ME3: variants seen among roughly 807,000 people sequenced by gnomAD.
The protein encoded by ME3 is NADP-dependent malic enzyme, mitochondrial.
ME3 carries 48 observed loss-of-function variants against 68.9 expected under a neutral mutation model. The observed-to-expected ratio is 0.70, with a 90% confidence interval of 0.55 to 0.89. ME3 has a LOEUF of 0.89. Among genes scored for constraint, ME3 ranks in the 40% least tolerant of loss-of-function variants. The pLI, the probability that ME3 is intolerant of heterozygous loss-of-function variation, is 0.00. For synonymous variants in ME3, 320 were observed against 318.8 expected, an observed-to-expected ratio of 1.00 and a Z score of -0.04; for missense variants, 675 against 797.4, an observed-to-expected ratio of 0.85 and a Z score of 1.85.
chr11:86,624,067 G>A (rs575787344), intron 2 of ME3, among the ~76,000 whole-genome samples: 11 of 152,166 alleles, frequency 7.2e-5, no homozygotes, highest in Non-Finnish European at 1.5e-5. Flanking sequence ...TTGAGACCAG[G>A]ATTTTATACC....
chr11:86,467,086 G>T (rs1338923978), intron 7 of ME3, among the ~76,000 whole-genome samples: 1 of 152,160 alleles, frequency 6.6e-6, no homozygotes. Context: ...GTGATGATTT[G>T]ATATATGTGT....
At chr11:86,607,731 T>G (rs2135170838) in intron 2 of ME3, among the ~76,000 whole-genome samples, 2 of 150,826 alleles carry the variant, frequency 1.3e-5, no homozygotes, top group East Asian at 3.9e-4. Context: ...ATATATATAT[T>G]ATATACACAT....
chr11:86,625,613 G>C (rs935761380), intron 2 of ME3, among the ~76,000 whole-genome samples: 1 of 152,130 alleles, frequency 6.6e-6, no homozygotes, highest in African/African-American at 2.4e-5. Flanking sequence ...TATTTATCCA[G>C]AGCCTTCTAA....
chr11:86,564,203 T>C (rs1957368719), intron 2 of ME3, among the ~76,000 whole-genome samples: 1 of 152,152 alleles, frequency 6.6e-6, no homozygotes, highest in African/African-American at 2.4e-5. Flanking sequence ...ATATGTTTAT[T>C]TTCTATCTGT....
At chr11:86,514,049 G>T (rs1462895094) in intron 4 of ME3, among the ~76,000 whole-genome samples, 1 of 152,114 alleles carries the variant, frequency 6.6e-6, no homozygotes, top group Non-Finnish European at 1.5e-5. Flanking sequence ...GATCATGGGG[G>T]CAGTTTCCCA....
At chr11:86,508,625 C>G (rs552035467) in intron 5 of ME3, among the ~76,000 whole-genome samples, 167 bp downstream of exon 5, 1 of 152,188 alleles carries the variant, frequency 6.6e-6, no homozygotes. Context: ...AACCTCTGCT[C>G]TGTGGTGTAT....
rs144563790 is a variant in ME3, at chr11:86,666,775, A to G, written c.183+4987T>C. Reference sequence around the variant, plus strand: ...ATTTTACATCATACCTGAAGCAGAGATCTCGAGAAGATATATTATGTAATC... The same window carrying G: ...ATTTTACATCATACCTGAAGCAGAGGTCTCGAGAAGATATATTATGTAATC... On this transcript the variant is annotated intron_variant, in intron 2 of 14. Transcript: ENST00000543262. Among the ~76,000 whole-genome samples the G allele has an allele frequency of 8.8e-3, 1,334 of 152,282 alleles. 25 individuals are homozygous for G. Among genetic ancestry groups the G allele is most frequent in the African/African-American group, 0.03 (1,247 of 41,556 alleles).
chr11:86,636,965 A>G (rs1944369041), intron 2 of ME3, among the ~76,000 whole-genome samples: 1 of 152,236 alleles, frequency 6.6e-6, no homozygotes, highest in Admixed American at 6.5e-5. Context: ...AGAATTACAG[A>G]GAAAGTGAGA....
intron 4 of ME3, among the ~76,000 whole-genome samples, chr11:86,514,225 C>T (rs1953735281): frequency 6.6e-6 from 1 of 152,114 alleles, no homozygotes; most frequent in Non-Finnish European, 1.5e-5. Flanking sequence ...GCCTCCCCAG[C>T]CATGTGGAAC....
At chr11:86,556,457 T>TAGCCCCCAGAGTC in intron 4 of ME3, 96 bp downstream of exon 4, 9 of 1,417,574 alleles carry the variant, frequency 6.3e-6, no homozygotes, top group Non-Finnish European at 8.5e-6. Context: ...CAATCAGAGT[T>TAGCCCCCAGAGTC]AGCCTCCAGA....
chr11:86,466,798 G>A (rs1446113879), intron 7 of ME3, among the ~76,000 whole-genome samples: 1 of 152,186 alleles, frequency 6.6e-6, no homozygotes. Context: ...GAAACACAGG[G>A]GCAGTGACTT....
At chr11:86,437,545 G>A (rs1948904674), downstream of ME3, among the ~76,000 whole-genome samples, 2 of 151,442 alleles carry the variant, frequency 1.3e-5, no homozygotes, top group African/African-American at 2.4e-5. Flanking sequence ...TCACTTTATA[G>A]ATTTGAATAT....
At position 86,583,007 on chromosome 11, in the gene ME3, T is replaced by G. The variant is rs367853452; in HGVS notation, c.184-23184A>C. Among the ~76,000 whole-genome samples, 6 of 152,196 alleles carry G rather than the reference T, an allele frequency of 3.9e-5. No individual in the cohort carries two copies. In the South Asian group the frequency reaches 1.2e-3, roughly 32 times the overall value. ...TGAGAAACCAAGATCAGAGGCTGGC[T>G]TTTTATAGGGAACAAATTTCCGAAG... is the stretch of plus-strand genomic sequence containing the variant. On this transcript the variant is annotated intron_variant, in intron 2 of 14. Transcript: ENST00000543262.
At chr11:86,455,639 C>T (rs1949872954) in intron 8 of ME3, among the ~76,000 whole-genome samples, 1 of 152,144 alleles carries the variant, frequency 6.6e-6, no homozygotes, top group Admixed American at 6.5e-5. Context: ...GGTACATTTC[C>T]CCTGCTATTC....
chr11:86,651,111 T>G (rs965168856), intron 2 of ME3, among the ~76,000 whole-genome samples: 10 of 152,198 alleles, frequency 6.6e-5, no homozygotes, highest in Non-Finnish European at 1.2e-4. Context: ...TCAAACTGGG[T>G]GGAGACCACC....
chr11:86,573,520 G>A (rs1957923255), intron 2 of ME3, among the ~76,000 whole-genome samples: 1 of 150,286 alleles, frequency 6.7e-6, no homozygotes, highest in Admixed American at 6.6e-5. Context: ...TCAGCTTAAG[G>A]AGTTGTTGGT....
intron 2 of ME3, among the ~76,000 whole-genome samples, chr11:86,596,700 C>A (rs1959522332): frequency 6.6e-6 from 1 of 152,146 alleles, no homozygotes; most frequent in Admixed American, 6.5e-5. Flanking sequence ...GATAAAGAAA[C>A]TGAAATTTCA....
At chr11:86,646,502 AC>A (rs1230268858) in intron 2 of ME3, among the ~76,000 whole-genome samples, 16 of 152,228 alleles carry the variant, frequency 1.1e-4, no homozygotes, top group African/African-American at 2.9e-4. Flanking sequence ...GGATTAGAGA[AC>A]AAAGAATGAA....
chr11:86,518,344 T>G (rs1368042310), intron 4 of ME3, among the ~76,000 whole-genome samples: 1 of 152,116 alleles, frequency 6.6e-6, no homozygotes, highest in Non-Finnish European at 1.5e-5. Context: ...CATGAGAGAC[T>G]TGGAAATGGA....
Sources: allele counts gnomAD v4.1 joint callset (sites outside exome capture counted in the v4.1 genomes callset), GRCh38; gene constraint gnomAD v4.1.1; transcripts MANE v1.5; gene names NCBI Gene and HGNC (gene_info 2026-07-23, HGNC 2026-07-21).